Variants in WDR45B observed in about 807,000 individuals in gnomAD.
WDR45B encodes the protein WD repeat domain phosphoinositide-interacting protein 3.
WDR45B carries 20 observed loss-of-function variants against 44.6 expected under a neutral mutation model. That is an observed-to-expected ratio of 0.45 (90% CI 0.32 to 0.65). The LOEUF (loss-of-function observed/expected upper bound fraction) is 0.65, where lower values mean the gene tolerates loss of function less well. Among genes scored for constraint, WDR45B ranks in the 30% least tolerant of loss-of-function variants. The pLI, the probability that WDR45B is intolerant of heterozygous loss-of-function variation, is 0.05. For synonymous variants in WDR45B, 169 were observed against 164.9 expected (o/e 1.02, Z -0.19); for missense variants, 323 against 430.2 (o/e 0.75, Z 2.20).
chr17:82,618,945 G>A (rs2045575788), intron 7 of WDR45B, 98 bp downstream of exon 7: 1 of 1,086,548 alleles, frequency 9.2e-7, no homozygotes, highest in Non-Finnish European at 1.4e-6. Context: ...TTATTCGGGG[G>A]AGGGTGGCTG....
chr17:82,643,921 A>G, intron 2 of WDR45B, 28 bp downstream of exon 2: 2 of 1,610,502 alleles, frequency 1.2e-6, no homozygotes, highest in Non-Finnish European at 1.7e-6. Context: ...AAAGGGGAGA[A>G]ACCAGAAAAT....
rs1190999628 is a variant in WDR45B, at chr17:82,614,926, T to TA, written c.*992dup. ...TATGTGCCTCTCCTTCCCAAAATGT[T>TA]AGTGTGTAGCTATTCTTACAAATGA... On this transcript the variant is annotated 3_prime_UTR_variant, in exon 10 of 10. Transcript: ENST00000392325. 3.3e-5 allele frequency: 5 copies of TA among 152,188 alleles called. No homozygotes were observed. The highest frequency in any genetic ancestry group is 7.3e-5 in the Non-Finnish European group (5 of 68,046). The allele number at this position is 152,188 out of a possible 1,614,324, so 9.4% of individuals were successfully genotyped here.
intron 2 of WDR45B, among the ~76,000 whole-genome samples, chr17:82,637,544 G>C (rs2045848843): frequency 6.6e-6 from 1 of 151,974 alleles, no homozygotes; most frequent in Non-Finnish European, 1.5e-5. Context: ...AAGACCGACT[G>C]CACCACACAC....
chr17:82,630,813 TC>T (rs1260339972), intron 3 of WDR45B, 107 bp downstream of exon 3: 5 of 1,124,886 alleles, frequency 4.4e-6, no homozygotes, highest in Non-Finnish European at 5.4e-6. Context: ...CCTGGATATT[TC>T]ACAGAACTAC....
chr17:82,642,225 G>A (rs981718207), intron 2 of WDR45B, among the ~76,000 whole-genome samples: 1 of 152,146 alleles, frequency 6.6e-6, no homozygotes, highest in Non-Finnish European at 1.5e-5. Context: ...GCAAGCAGCA[G>A]GCGAACAAGC....
At chr17:82,642,857 C>G (rs1312963974) in intron 2 of WDR45B, among the ~76,000 whole-genome samples, 2 of 152,224 alleles carry the variant, frequency 1.3e-5, no homozygotes, top group Non-Finnish European at 2.9e-5. Flanking sequence ...ACACCAACGT[C>G]TACAACTCTC....
At chr17:82,616,348 G>A (rs2045534923) in intron 9 of WDR45B, among the ~76,000 whole-genome samples, 176 bp downstream of exon 9, 1 of 152,250 alleles carries the variant, frequency 6.6e-6, no homozygotes, top group Non-Finnish European at 1.5e-5. Flanking sequence ...CATCCCAAAT[G>A]GCCGTGCAGA....
intron 2 of WDR45B, among the ~76,000 whole-genome samples, chr17:82,635,368 T>C (rs1056464792): frequency 1.3e-5 from 2 of 151,802 alleles, no homozygotes; most frequent in African/African-American, 2.4e-5. Flanking sequence ...ATAAACTACA[T>C]GATCTTAGGC....
chr17:82,633,887 T>C (rs1366564017), intron 2 of WDR45B, among the ~76,000 whole-genome samples: 1 of 152,006 alleles, frequency 6.6e-6, no homozygotes, highest in African/African-American at 2.4e-5. Flanking sequence ...TGGTGGCTCA[T>C]GCCTGTTATC....
rs1192098354 is a variant in WDR45B, at chr17:82,643,933, T to C, written c.142+16A>G. ...TGGAAAGGGGAGAAACCAGAAAATGTCCCGTTAATTCTTACCTTGTTTCTC... is the reference window on the plus strand; with the variant it reads ...TGGAAAGGGGAGAAACCAGAAAATGCCCCGTTAATTCTTACCTTGTTTCTC... On this transcript the variant is annotated intron_variant, in intron 2 of 9. Coordinates refer to ENST00000392325, the MANE Select transcript of WDR45B (RefSeq NM_019613.4). 4.3e-6 allele frequency: 7 copies of C among 1,612,726 alleles called. No individual in the cohort carries two copies. Among genetic ancestry groups the C allele is most frequent in the Non-Finnish European group, 5.9e-6 (7 of 1,179,010 alleles).
intron 4 of WDR45B, among the ~76,000 whole-genome samples, chr17:82,626,404 G>A (rs941333484): frequency 6.6e-6 from 1 of 151,138 alleles, no homozygotes; most frequent in African/African-American, 2.4e-5. Flanking sequence ...GCTTGGTGGT[G>A]TGCGCCTGTA....
chr17:82,640,552 T>C (rs1321299694), intron 2 of WDR45B, among the ~76,000 whole-genome samples: 2 of 152,142 alleles, frequency 1.3e-5, no homozygotes, highest in Non-Finnish European at 2.9e-5. Context: ...GGTTTCACTG[T>C]GCCGGCCAGG....
At chr17:82,637,882 A>G (rs879335906) in intron 2 of WDR45B, among the ~76,000 whole-genome samples, 3 of 151,766 alleles carry the variant, frequency 2.0e-5, no homozygotes, top group South Asian at 4.2e-4. Context: ...GAGACCCACA[A>G]TTAGAAAGGG....
At chr17:82,643,038 C>A (rs963602842) in intron 2 of WDR45B, among the ~76,000 whole-genome samples, 1 of 152,224 alleles carries the variant, frequency 6.6e-6, no homozygotes, top group African/African-American at 2.4e-5. Context: ...CTCCACAGCA[C>A]CTAATGTGCG....
chr17:82,623,216 G>A (rs1470301765), intron 5 of WDR45B, among the ~76,000 whole-genome samples: 5 of 151,276 alleles, frequency 3.3e-5, no homozygotes, highest in South Asian at 2.1e-4. Context: ...ATGAAACCCC[G>A]TCTCTACTAA....
At chr17:82,616,731 A>T in intron 8 of WDR45B, 86 bp from the exon 9 acceptor site, 1 of 1,549,872 alleles carries the variant, frequency 6.5e-7, no homozygotes, top group Non-Finnish European at 8.9e-7. Flanking sequence ...TGCTGAAAAT[A>T]CGAAAATGCT....
intron 2 of WDR45B, among the ~76,000 whole-genome samples, chr17:82,641,942 T>C (rs1483283027): frequency 6.9e-6 from 1 of 144,438 alleles, no homozygotes. Context: ...CTGTAACACA[T>C]GTGGGAAAAA....
intron 6 of WDR45B, 70 bp downstream of exon 6, chr17:82,621,539 G>A: frequency 1.9e-6 from 3 of 1,603,720 alleles, no homozygotes; most frequent in Non-Finnish European, 2.6e-6. Context: ...TCTTGATACA[G>A]GGAATGGCCA....
At chr17:82,641,533 A>C (rs867719743) in intron 2 of WDR45B, among the ~76,000 whole-genome samples, 8 of 152,138 alleles carry the variant, frequency 5.3e-5, no homozygotes, top group Admixed American at 1.3e-4. Context: ...GGTCTGAAGA[A>C]CCTCCATAGA....
Sources: gnomAD v4.1 joint callset for allele counts (sites outside exome capture counted in the v4.1 genomes callset) on GRCh38, gnomAD v4.1.1 for gene constraint, MANE v1.5 for transcripts, NCBI Gene and HGNC (gene_info 2026-07-23, HGNC 2026-07-21) for gene names.